Variants in SPIDR observed in about 807,000 individuals in gnomAD.
SPIDR encodes DNA repair-scaffolding protein.
A neutral mutation model predicts 104.6 loss-of-function variants in SPIDR; 93 were observed. That is an observed-to-expected ratio of 0.89 (90% confidence interval 0.75 to 1.06). The LOEUF (loss-of-function observed/expected upper bound fraction) is 1.06, where lower values mean the gene tolerates loss of function less well. Ranked by LOEUF, SPIDR falls within the 50% of genes least tolerant of loss-of-function variation. The pLI, the probability that SPIDR is intolerant of heterozygous loss-of-function variation, is 0.00. For missense variants in SPIDR, 1,154 were observed against 1,111.2 expected (o/e 1.04, Z -0.55); for synonymous variants, 431 against 416.9 (o/e 1.03, Z -0.41).
At chr8:47,586,764 T>G (rs1054569956) in intron 8 of SPIDR, among the ~76,000 whole-genome samples, 5 of 152,302 alleles carry the variant, frequency 3.3e-5, no homozygotes, top group Middle Eastern at 6.8e-3. Flanking sequence ...TCAAGTTTTT[T>G]TTGTTGTTGT....
intron 5 of SPIDR, among the ~76,000 whole-genome samples, chr8:47,303,754 T>A (rs1326855782): frequency 6.6e-6 from 1 of 152,202 alleles, no homozygotes; most frequent in Non-Finnish European, 1.5e-5. Flanking sequence ...TGAATTCAGT[T>A]TATTAGTATA....
chr8:47,388,846 G>T (rs372856257), intron 5 of SPIDR, among the ~76,000 whole-genome samples: 1 of 152,340 alleles, frequency 6.6e-6, no homozygotes, highest in South Asian at 2.1e-4. Flanking sequence ...AACGGAGCCA[G>T]TATTGAATAC....
chr8:47,436,434 T>C (rs1457014159), intron 7 of SPIDR, among the ~76,000 whole-genome samples: 1 of 152,140 alleles, frequency 6.6e-6, no homozygotes, highest in Non-Finnish European at 1.5e-5. Context: ...ATTAAAAGCT[T>C]GCTTCTGCCA....
chr8:47,447,061 G>A (rs1368149905), intron 8 of SPIDR, among the ~76,000 whole-genome samples: 1 of 152,164 alleles, frequency 6.6e-6, no homozygotes, highest in African/African-American at 2.4e-5. Context: ...TAAAACTTCA[G>A]TGGAGGAAAT....
chr8:47,592,553 G>A, intron 8 of SPIDR: 1 of 1,317,050 alleles, frequency 7.6e-7, no homozygotes, highest in Non-Finnish European at 1.1e-6. Context: ...GCCAGGAACT[G>A]GTTCTGCCAG....
At chr8:47,728,074 A>T (rs190378862) in intron 17 of SPIDR, among the ~76,000 whole-genome samples, 41 of 151,812 alleles carry the variant, frequency 2.7e-4, no homozygotes, top group African/African-American at 9.7e-4. Flanking sequence ...CCGAGATCAC[A>T]CCACTGCACT....
intron 10 of SPIDR, among the ~76,000 whole-genome samples, chr8:47,612,429 A>T (rs1403272512): frequency 6.6e-6 from 1 of 152,202 alleles, no homozygotes; most frequent in Non-Finnish European, 1.5e-5. Context: ...GCTTGTACTC[A>T]GCTCATGGTT....
At chr8:47,675,849 TCA>T (rs2076374232) in intron 11 of SPIDR, among the ~76,000 whole-genome samples, 1 of 152,144 alleles carries the variant, frequency 6.6e-6, no homozygotes, top group Admixed American at 6.5e-5. Flanking sequence ...CATTTCAGAC[TCA>T]CAAGCATCTG....
intron 11 of SPIDR, among the ~76,000 whole-genome samples, chr8:47,675,691 C>T (rs2076343921): frequency 6.6e-6 from 1 of 152,192 alleles, no homozygotes; most frequent in Non-Finnish European, 1.5e-5. Flanking sequence ...TGGCACATGC[C>T]TGTAGTCCCA....
chr8:47,724,608 C>T (rs1227862861), intron 16 of SPIDR, among the ~76,000 whole-genome samples: 2 of 152,252 alleles, frequency 1.3e-5, no homozygotes, highest in African/African-American at 2.4e-5. Flanking sequence ...TTGGGCAGCT[C>T]TCCCAGCAGC....
chr8:47,597,278 C>A (rs1474231089), intron 9 of SPIDR, among the ~76,000 whole-genome samples: 1 of 151,992 alleles, frequency 6.6e-6, no homozygotes, highest in Non-Finnish European at 1.5e-5. Context: ...AGGTTTGTTA[C>A]ATATGTATAC....
chr8:47,717,670 G>C (rs2082766053), intron 16 of SPIDR, among the ~76,000 whole-genome samples: 1 of 152,206 alleles, frequency 6.6e-6, no homozygotes, highest in African/African-American at 2.4e-5. Context: ...CATTAGCTGT[G>C]TTGGCAGCAG....
intron 8 of SPIDR, among the ~76,000 whole-genome samples, chr8:47,461,459 C>T (rs1034301378): frequency 1.3e-5 from 2 of 152,110 alleles, no homozygotes; most frequent in African/African-American, 2.4e-5. Flanking sequence ...CTACAGGCAC[C>T]TGCCACCAGG....
intron 5 of SPIDR, among the ~76,000 whole-genome samples, chr8:47,302,316 C>T (rs1404146663): frequency 6.6e-6 from 1 of 151,530 alleles, no homozygotes; most frequent in East Asian, 1.9e-4. Context: ...AAGGACTTCT[C>T]TGCATTGGTT....
chr8:47,717,922 C>CA (rs1237118206), intron 16 of SPIDR, among the ~76,000 whole-genome samples: 1 of 152,192 alleles, frequency 6.6e-6, no homozygotes, highest in Non-Finnish European at 1.5e-5. Flanking sequence ...CTGCTGCCTT[C>CA]AGACCTCTGT....
chr8:47,437,148 G>T (rs1032750567), intron 7 of SPIDR, among the ~76,000 whole-genome samples: 2 of 151,912 alleles, frequency 1.3e-5, no homozygotes, highest in East Asian at 3.9e-4. Context: ...CATTGTGCAG[G>T]TTAGTTACAT....
At chr8:47,673,048 G>A (rs2075993449) in intron 10 of SPIDR, among the ~76,000 whole-genome samples, 1 of 152,134 alleles carries the variant, frequency 6.6e-6, no homozygotes, top group South Asian at 2.1e-4. Context: ...TCCATTTTGT[G>A]ATGTTATTTA....
intron 5 of SPIDR, among the ~76,000 whole-genome samples, chr8:47,346,453 C>T (rs573692860): frequency 6.6e-6 from 1 of 152,242 alleles, no homozygotes; most frequent in Admixed American, 6.5e-5. Flanking sequence ...CTCTGCCAGG[C>T]TTTGGTATCA....
rs2089396037 is a variant in SPIDR, at chr8:47,546,437, T to C, written c.1098-49374T>C. The stretch of plus-strand genomic sequence containing the variant: ...CCTTGTTATCCTTTTGATGTCTACA[T>C]GGTCTATAGTGATATTCCCTTTTTC... On this transcript the variant is annotated intron_variant, in intron 8 of 19. Coordinates refer to ENST00000297423, the MANE Select transcript of SPIDR (RefSeq NM_001080394.4). Among the ~76,000 whole-genome samples, 3 of 152,196 alleles carry C rather than the reference T, an allele frequency of 2.0e-5. No individual in the cohort carries two copies. In the South Asian group the frequency reaches 6.2e-4, roughly 31 times the overall value.
Sources: gnomAD v4.1 joint callset for allele counts (sites outside exome capture counted in the v4.1 genomes callset) on GRCh38, gnomAD v4.1.1 for gene constraint, MANE v1.5 for transcripts, NCBI Gene and HGNC (gene_info 2026-07-23, HGNC 2026-07-21) for gene names.